IHO1: variants seen among roughly 807,000 people sequenced by gnomAD.
The protein encoded by IHO1 is interactor of HORMAD1 1, also known as interactor of HORMAD1 protein 1.
Under a neutral mutation model 31.0 loss-of-function variants are expected in IHO1, and 13 were observed. The observed-to-expected ratio is 0.42, with a 90% confidence interval of 0.27 to 0.67. The LOEUF is 0.67. IHO1 is among the 30% of genes least tolerant of loss of function. IHO1 has a pLI of 0.24. For synonymous variants in IHO1, 221 were observed against 248.4 expected (o/e 0.89, Z 1.04); for missense variants, 599 against 687.5 (o/e 0.87, Z 1.44).
intron 4 of IHO1, 43 bp downstream of exon 4, chr3:49,241,432 G>T: frequency 1.3e-6 from 2 of 1,536,678 alleles, no homozygotes; most frequent in South Asian, 2.4e-5. Flanking sequence ...CACCTTTTCT[G>T]AGTAAAACAA....
intron 2 of IHO1, among the ~76,000 whole-genome samples, chr3:49,234,802 A>G (rs1008026991): frequency 2.6e-5 from 4 of 152,158 alleles, no homozygotes; most frequent in African/African-American, 9.7e-5. Flanking sequence ...TTTGGTGTGT[A>G]TAATGTAGGT....
intron 2 of IHO1, among the ~76,000 whole-genome samples, chr3:49,234,495 T>C (rs535732117): frequency 6.6e-6 from 1 of 152,168 alleles, no homozygotes; most frequent in South Asian, 2.1e-4. Flanking sequence ...TGTCCCTTTT[T>C]ATAAGGACAC....
intron 1 of IHO1, among the ~76,000 whole-genome samples, chr3:49,210,327 C>T (rs1049321725): frequency 4.6e-5 from 7 of 152,026 alleles, no homozygotes; most frequent in African/African-American, 1.7e-4. Flanking sequence ...GCCTTGACCT[C>T]TTGGGCTCAA....
At chr3:49,191,767 T>G in the IHO1 span, 2 of 1,568,952 alleles carry the variant, frequency 1.3e-6, no homozygotes, top group Non-Finnish European at 1.7e-6. Context: ...TAAAGCACTT[T>G]GCATCTTTCC....
In IHO1 at chr3:49,219,212, G is replaced by A. The variant is rs144782383; in HGVS notation, c.56+7376G>A. Among the ~76,000 whole-genome samples the A allele has an allele frequency of 2.1e-3, 322 of 152,332 alleles. 1 individual carries two copies. The highest frequency in any genetic ancestry group is 5.2e-3 in the South Asian group (25 of 4,828). On this transcript the variant is annotated intron_variant, in intron 2 of 7. Coordinates refer to ENST00000452691, the MANE Select transcript of IHO1 (RefSeq NM_001135197.2). ...GGCCAAAAACAAAATCTCCACAGCA[G>A]TGTGACATGTTCATGATGGCCTTGA...
intron 1 of IHO1, among the ~76,000 whole-genome samples, chr3:49,202,495 T>TGTG (rs2046082183): frequency 1.5e-5 from 2 of 129,930 alleles, no homozygotes; most frequent in Non-Finnish European, 3.2e-5. Flanking sequence ...CCGGCTAATT[T>TGTG]TGTGTGTGTG....
At position 49,257,801 on chromosome 3, in the gene IHO1, AC is replaced by A. The variant is rs762908032; in HGVS notation, c.*522del. ...TTGATCAGTAGACATATTACAGGAC[AC>A]CCTAAATCTTCTTGTGAACAGAGAA... On this transcript the variant is annotated 3_prime_UTR_variant, in exon 8 of 8. Transcript: ENST00000452691. The A allele has an allele frequency of 6.5e-6, 1 of 153,574 alleles. No individual in the cohort carries two copies. The highest frequency in any genetic ancestry group is 1.4e-5 in the Non-Finnish European group (1 of 69,150). The allele number at this position is 153,574 out of a possible 1,614,324, so 9.5% of individuals were successfully genotyped here. A position where few individuals can be genotyped will look rare whatever the true frequency, so the allele number is the denominator to read the frequency against.
At chr3:49,222,328 T>C (rs2046363848) in intron 2 of IHO1, among the ~76,000 whole-genome samples, 1 of 152,088 alleles carries the variant, frequency 6.6e-6, no homozygotes, top group Non-Finnish European at 1.5e-5. Flanking sequence ...GAGAGTCTTG[T>C]ACAGGTAATT....
chr3:49,208,964 G>T (rs995016760), intron 1 of IHO1, among the ~76,000 whole-genome samples: 2 of 152,198 alleles, frequency 1.3e-5, no homozygotes, highest in African/African-American at 2.4e-5. Flanking sequence ...GGGTTGAACA[G>T]TCATGACTGA....
chr3:49,222,716 G>A (rs1348613315), intron 2 of IHO1, among the ~76,000 whole-genome samples: 1 of 152,140 alleles, frequency 6.6e-6, no homozygotes, highest in Non-Finnish European at 1.5e-5. Flanking sequence ...AGGATCAGTG[G>A]TAGGAGCCTT....
intron 2 of IHO1, among the ~76,000 whole-genome samples, chr3:49,228,815 G>A (rs1205289375): frequency 1.3e-5 from 2 of 152,206 alleles, no homozygotes; most frequent in South Asian, 2.1e-4. Context: ...ATTGTGAAGA[G>A]CAAAAGAACA....
chr3:49,200,989 T>G (rs1244090346), intron 1 of IHO1, among the ~76,000 whole-genome samples: 2 of 117,468 alleles, frequency 1.7e-5, no homozygotes, highest in Non-Finnish European at 3.5e-5. Flanking sequence ...AGGGTGTACT[T>G]ACCACAGTTT....
intron 2 of IHO1, among the ~76,000 whole-genome samples, chr3:49,217,821 T>C (rs1575570861): frequency 6.6e-6 from 1 of 152,238 alleles, no homozygotes. Context: ...CATGTGCAGT[T>C]CACAATAGGG....
intron 3 of IHO1, among the ~76,000 whole-genome samples, chr3:49,237,373 C>G (rs1009367963): frequency 1.3e-5 from 2 of 151,882 alleles, no homozygotes; most frequent in African/African-American, 4.8e-5. Context: ...ACAAAAAAAC[C>G]CGACAACCAA....
intron 3 of IHO1, among the ~76,000 whole-genome samples, 174 bp downstream of exon 3, chr3:49,236,896 A>G (rs551759076): frequency 1.3e-5 from 2 of 152,264 alleles, no homozygotes; most frequent in East Asian, 3.9e-4. Flanking sequence ...AGCCTGGGCA[A>G]CATGGCAAAA....
rs1376017223 is a variant in IHO1, at chr3:49,256,774, T to C, written c.1277T>C (p.Val426Ala). The C allele has an allele frequency of 3.3e-5, 53 of 1,613,938 alleles. No individual in the cohort carries two copies. The highest frequency in any genetic ancestry group is 4.5e-5 in the Non-Finnish European group (53 of 1,180,030). Residue 426 changes from valine to alanine, a missense_variant, in exon 8 of 8, where the codon GTG becomes GCG. Val to Ala is a moderately conservative substitution (Grantham distance 64, BLOSUM62 0). Coordinates refer to ENST00000452691, the MANE Select transcript of IHO1 (RefSeq NM_001135197.2). This position sits in a 1 kb window ranked among gnomAD's most constrained non-coding sequence, Gnocchi z 4.6. ...MFLCDPREHL[V>A]IKQKDGTVEM... is the part of the protein sequence containing the mutation. ...TTGTGTGACCCACGTGAACATTTGG[T>C]GATTAAACAGAAAGATGGGACTGTA...
chr3:49,229,069 C>T (rs972549178), intron 2 of IHO1, among the ~76,000 whole-genome samples: 4 of 152,146 alleles, frequency 2.6e-5, no homozygotes, highest in East Asian at 1.9e-4. Context: ...CTGATTGGTG[C>T]GTTTACAATC....
chr3:49,200,511 G>GAAAGAAAGA (rs1575560971), intron 1 of IHO1: 15 of 757,884 alleles, frequency 2.0e-5, no homozygotes, highest in East Asian at 1.3e-4. Flanking sequence ...AAGAAAGAAA[G>GAAAGAAAGA]AAAGAAAAGA....
In IHO1 at chr3:49,246,168, C is replaced by T. The variant is rs192139289; in HGVS notation, c.532+1435C>T. 5.9e-3 allele frequency among the ~76,000 whole-genome samples: 746 copies of T among 126,818 alleles called. 4 individuals are homozygous for T. Among genetic ancestry groups the T allele is most frequent in the African/African-American group, 0.022 (719 of 32,070 alleles). 83.2% of individuals were successfully genotyped at this position (126,818 alleles called of 152,430 possible). ...CTGCACTCCAGCCTGGACGACAGAGCGAGACTCCGTCAAAAAAAAAAAAAA... is the reference window on the plus strand; with the variant it reads ...CTGCACTCCAGCCTGGACGACAGAGTGAGACTCCGTCAAAAAAAAAAAAAA... On this transcript the variant is annotated intron_variant, in intron 6 of 7. Transcript: ENST00000452691.
Sources: allele counts gnomAD v4.1 joint callset (sites outside exome capture counted in the v4.1 genomes callset), GRCh38; gene constraint gnomAD v4.1.1; non-coding constraint Gnocchi (gnomAD v3.1); transcripts MANE v1.5; gene names NCBI Gene and HGNC (gene_info 2026-07-23, HGNC 2026-07-21).